SORBS3: variants seen among roughly 807,000 people sequenced by gnomAD.
SORBS3 encodes the protein vinexin.
Under a neutral mutation model 98.0 loss-of-function variants are expected in SORBS3, and 69 were observed. The observed-to-expected ratio is 0.70, with a 90% CI of 0.58 to 0.86. SORBS3 has a LOEUF of 0.86. Among genes scored for constraint, SORBS3 ranks in the 40% least tolerant of loss-of-function variants. The pLI is 0.00. For missense variants in SORBS3, 954 were observed against 908.5 expected (o/e 1.05, Z -0.64); for synonymous variants, 394 against 355.4 (o/e 1.11, Z -1.22).
chr8:22,564,612 A>G (rs960736354), intron 10 of SORBS3, 91 bp downstream of exon 10: 8 of 1,533,626 alleles, frequency 5.2e-6, no homozygotes, highest in Non-Finnish European at 7.2e-6. Flanking sequence ...ATAGGCCACG[A>G]ACTAAGAGCT....
At chr8:22,569,346 G>T (rs13258049) in intron 17 of SORBS3, 73 bp downstream of exon 17, 29,607 of 1,075,090 alleles carry the variant, frequency 0.028, 33 homozygotes, top group South Asian at 0.04. Context: ...ACTAAAAACA[G>T]TTTTTTTTTT....
chr8:22,554,250 T>C lies in SORBS3; in HGVS notation c.-55-202T>C, dbSNP rs1303292802. ...GCCCTGGGCCTAACAAGTGGTCCAT[T>C]GTGCCCCTGGGAGCCGGCAGGCACG... On this transcript the variant is annotated intron_variant, in intron 1 of 20. Coordinates refer to ENST00000240123, the MANE Select transcript of SORBS3 (RefSeq NM_005775.5). This position sits in a 1 kb window ranked among gnomAD's most constrained non-coding sequence, Gnocchi z 6.5. 1 of 425,298 alleles carries C rather than the reference T, an allele frequency of 2.4e-6. No homozygotes were observed. The highest frequency in any genetic ancestry group is 4.2e-6 in the Non-Finnish European group (1 of 237,612). 26.3% of individuals were successfully genotyped at this position (425,298 alleles called of 1,614,324 possible). A position where few individuals can be genotyped will look rare whatever the true frequency, so the allele number is the denominator to read the frequency against.
chr8:22,565,255 TC>T lies in SORBS3; in HGVS notation c.817-9del, dbSNP rs772985747. On this transcript the variant is annotated splice_polypyrimidine_tract_variant and intron_variant, in intron 10 of 20. Coordinates refer to ENST00000240123, the MANE Select transcript of SORBS3 (RefSeq NM_005775.5). ...GCGCTGCCCCTCACTGCCCAGCCTC[TC>T]CCCGCCCCCAGGTGCTGCTGGAGAG... 1.3e-4 allele frequency: 196 copies of T among 1,549,084 alleles called. 1 individual carries two copies. In the African/African-American group the frequency reaches 2.3e-3, roughly 18 times the overall value.
chr8:22,548,004 A>G (rs1840034124), upstream of SORBS3, among the ~76,000 whole-genome samples: 1 of 152,226 alleles, frequency 6.6e-6, no homozygotes, highest in African/African-American at 2.4e-5. Context: ...GGTCTGTGCC[A>G]GGCAAGCCTG....
chr8:22,560,623 C>T (rs1049734067), intron 5 of SORBS3, among the ~76,000 whole-genome samples: 3 of 152,114 alleles, frequency 2.0e-5, no homozygotes, highest in African/African-American at 7.2e-5. Context: ...CACCAGCATC[C>T]TTGATAAGAG....
intron 1 of SORBS3, among the ~76,000 whole-genome samples, chr8:22,552,616 A>ACC (rs1206152668): frequency 6.6e-6 from 1 of 152,078 alleles, no homozygotes; most frequent in Non-Finnish European, 1.5e-5. Flanking sequence ...CTCCTGCCCT[A>ACC]CCCATCCTCC....
At chr8:22,545,798 T>TA (rs1360499747) in intron 1 of SORBS3, among the ~76,000 whole-genome samples, 1 of 152,246 alleles carries the variant, frequency 6.6e-6, no homozygotes, top group East Asian at 1.9e-4. Flanking sequence ...GAAATGCATG[T>TA]AATGAGGAGC....
At position 22,566,331 on chromosome 8, in the gene SORBS3, T is replaced by C. The variant is rs534251019; in HGVS notation, c.951-14T>C. 10 of 1,611,592 alleles carry C rather than the reference T, an allele frequency of 6.2e-6. No individual in the cohort carries two copies. In the Admixed American group the frequency reaches 1.7e-4, roughly 27 times the overall value. ...AGCCCCAGGCTGGAGGCTCAGTCTC[T>C]GTGCCCCGTGCAGCCCGGCCTCAGC... On this transcript the variant is annotated splice_polypyrimidine_tract_variant and intron_variant, in intron 12 of 20. Transcript: ENST00000240123.
At chr8:22,569,319 T>C in intron 17 of SORBS3, 46 bp downstream of exon 17, 2 of 1,498,802 alleles carry the variant, frequency 1.3e-6, no homozygotes, top group Non-Finnish European at 1.8e-6. Context: ...CAGGTGAAGA[T>C]GTAGGTAAAT....
rs780221075 is a variant in SORBS3, at chr8:22,556,811, C to T, written c.317C>T (p.Thr106Met). ...CAGCACACCCAGAACTGGTCAGCCA[C>T]GTGGACCAAGGACAGCAAGCGTCGG... is the stretch of plus-strand genomic sequence containing the variant. ...ASQHTQNWSA[T>M]WTKDSKRRDK... The change falls in exon 4 of 21, where the codon ACG (threonine) becomes ATG (methionine). Residue 106 changes from threonine (T) to methionine (M), a missense_variant. Thr to Met is a moderately conservative substitution (Grantham distance 81, BLOSUM62 -1). Coordinates refer to ENST00000240123, the MANE Select transcript of SORBS3 (RefSeq NM_005775.5). The T allele has an allele frequency of 8.7e-6, 14 of 1,613,650 alleles. No individual in the cohort carries two copies. Among genetic ancestry groups the T allele is most frequent in the South Asian group, 7.7e-5 (7 of 91,096 alleles).
Position 22,566,717 on chromosome 8 carries a change from A to G in SORBS3, c.1143+4A>G. ...AGCCAGGAGGGAAGAGAAGAAGGTA[A>G]GGAGGGGACCAGGTGTGGGGGACCT... On this transcript the variant is annotated splice_donor_region_variant and intron_variant, in intron 14 of 20. Coordinates refer to ENST00000240123, the MANE Select transcript of SORBS3 (RefSeq NM_005775.5). 2.5e-6 allele frequency: 4 copies of G among 1,613,344 alleles called. No homozygotes were observed. The highest frequency in any genetic ancestry group is 3.4e-6 in the Non-Finnish European group (4 of 1,179,714).
intron 11 of SORBS3, 141 bp from the exon 12 acceptor site, chr8:22,565,685 C>T: frequency 8.3e-7 from 1 of 1,211,994 alleles, no homozygotes; most frequent in Non-Finnish European, 1.0e-6. Context: ...CTCCCGGGAT[C>T]GGCCGCGCGG....
In SORBS3 at chr8:22,565,819, C is replaced by T. The variant is rs917009814; in HGVS notation, c.904-7C>T. 48 of 1,312,524 alleles carry T rather than the reference C, an allele frequency of 3.7e-5. No individual in the cohort carries two copies. The highest frequency in any genetic ancestry group is 4.7e-5 in the Non-Finnish European group (48 of 1,028,922). The allele number at this position is 1,312,524 out of a possible 1,614,324, so 81.3% of individuals were successfully genotyped here. A position where few individuals can be genotyped will look rare whatever the true frequency, so the allele number is the denominator to read the frequency against. On this transcript the variant is annotated splice_region_variant and splice_polypyrimidine_tract_variant and intron_variant, in intron 11 of 20. Coordinates refer to ENST00000240123, the MANE Select transcript of SORBS3 (RefSeq NM_005775.5). ...GCGGGCCCTGATTGCGCCGTTTCCC[C>T]GCGCAGAGCTCGCCGGCGCCCCGAC...
rs1161747929 is a variant in SORBS3, at chr8:22,561,360, G to A, written c.504G>A (p.Glu168=). Residue 168 remains glutamate (E), a synonymous_variant, in exon 6 of 21, where the codon GAG becomes GAA. Coordinates refer to ENST00000240123, the MANE Select transcript of SORBS3 (RefSeq NM_005775.5). Reference sequence around the variant, plus strand: ...ACTTGCAGCTGGACTGGACCTTCGAGGAGCCACCCAGAGGTGAGGGGATGC... The same window carrying A: ...ACTTGCAGCTGGACTGGACCTTCGAAGAGCCACCCAGAGGTGAGGGGATGC... ...MPDLQLDWTF[E]EPPRDPRHLG... is the part of the protein sequence containing the mutation. The A allele has an allele frequency of 2.5e-6, 4 of 1,609,306 alleles. No individual in the cohort carries two copies. The Admixed American group carries it at 6.7e-5, about 27-fold the overall frequency.
chr8:22,559,497 T>C (rs1840249517), intron 5 of SORBS3, among the ~76,000 whole-genome samples: 1 of 152,122 alleles, frequency 6.6e-6, no homozygotes, highest in Non-Finnish European at 1.5e-5. Flanking sequence ...GCTTAGGAGT[T>C]CGAGACCAGC....
Position 22,558,298 on chromosome 8 carries a change from C to T in SORBS3, c.478+106C>T, listed in dbSNP as rs1020210900. On this transcript the variant is annotated intron_variant, in intron 5 of 20. Transcript: ENST00000240123. ...GGACTTAGCTGCTCAAGGGGTTCTT[C>T]TCCACCTTCTCCCAGGCTCTAATGA... 77 of 1,017,534 alleles carry T rather than the reference C, an allele frequency of 7.6e-5. 1 individual carries two copies. The highest frequency in any genetic ancestry group is 2.3e-4 in the South Asian group (18 of 77,186). The allele number at this position is 1,017,534 out of a possible 1,614,324, so 63.0% of individuals were successfully genotyped here.
intron 9 of SORBS3, 38 bp downstream of exon 9, chr8:22,564,407 T>C: frequency 6.2e-7 from 1 of 1,612,674 alleles, no homozygotes; most frequent in Non-Finnish European, 8.5e-7. Flanking sequence ...GCACGCACCC[T>C]CAGCTGATAC....
At chr8:22,564,650 C>T (rs1840367338) in intron 10 of SORBS3, 129 bp downstream of exon 10, 7 of 1,418,714 alleles carry the variant, frequency 4.9e-6, no homozygotes, top group Middle Eastern at 2.4e-4. Context: ...TGGTTTATTT[C>T]TGTAATGCCA....
intron 10 of SORBS3, 88 bp from the exon 11 acceptor site, chr8:22,565,180 G>C (rs1840379323): frequency 1.3e-6 from 2 of 1,493,286 alleles, no homozygotes; most frequent in Admixed American, 4.0e-5. Context: ...CGGTGCGCTG[G>C]CCTTGCTTTT....
Sources: allele counts gnomAD v4.1 joint callset (sites outside exome capture counted in the v4.1 genomes callset), GRCh38; gene constraint gnomAD v4.1.1; non-coding constraint Gnocchi (gnomAD v3.1); transcripts MANE v1.5; gene names NCBI Gene and HGNC (gene_info 2026-07-23, HGNC 2026-07-21).